SCHIP1: variants seen among roughly 807,000 people sequenced by gnomAD.
SCHIP1 encodes the protein schwannomin interacting protein 1, also known as schwannomin-interacting protein 1.
A neutral mutation model predicts 29.7 loss-of-function variants in SCHIP1; 8 were observed. The ratio of observed to expected loss-of-function variants is 0.27; its 90% CI spans 0.16 to 0.49. The LOEUF (loss-of-function observed/expected upper bound fraction) is 0.49. SCHIP1 is among the 20% of genes least tolerant of loss of function. SCHIP1 has a pLI of 0.99. For synonymous variants in SCHIP1, 76 were observed against 94.9 expected, an observed-to-expected ratio of 0.80 and a Z score of 1.16; for missense variants, 193 against 294.6, an observed-to-expected ratio of 0.66 and a Z score of 2.52.
chr3:159,589,893 A>C, the SCHIP1 span, among the ~76,000 whole-genome samples: 1 of 152,328 alleles, frequency 6.6e-6, no homozygotes, highest in African/African-American at 2.4e-5. Flanking sequence ...CAAGAGTCTG[A>C]GAAAGGAAGA....
At chr3:159,569,887 G>A in the SCHIP1 span, among the ~76,000 whole-genome samples, 1 of 152,192 alleles carries the variant, frequency 6.6e-6, no homozygotes, top group Non-Finnish European at 1.5e-5. Flanking sequence ...GTATCTCAGT[G>A]TGGTTTTGAT....
the SCHIP1 span, among the ~76,000 whole-genome samples, chr3:159,707,911 T>C: frequency 3.9e-5 from 6 of 152,212 alleles, no homozygotes; most frequent in Admixed American, 2.6e-4. Context: ...GTCCCTTTTC[T>C]CATCTGAAGC....
At chr3:159,392,567 G>T in the SCHIP1 span, among the ~76,000 whole-genome samples, 10 of 151,608 alleles carry the variant, frequency 6.6e-5, no homozygotes, top group East Asian at 1.7e-3. Context: ...TGTTTGTTTG[G>T]TTTTTTGTTC....
the SCHIP1 span, among the ~76,000 whole-genome samples, chr3:159,666,176 T>G: frequency 1.3e-5 from 2 of 152,184 alleles, no homozygotes; most frequent in Non-Finnish European, 2.9e-5. Context: ...TTAGAGCTCC[T>G]GCATATAGTT....
the SCHIP1 span, among the ~76,000 whole-genome samples, chr3:159,509,229 T>C: frequency 1.6e-4 from 25 of 152,350 alleles, no homozygotes; most frequent in Middle Eastern, 3.4e-3. Flanking sequence ...GTAATGGCCT[T>C]CTTTGTCTCT....
the SCHIP1 span, among the ~76,000 whole-genome samples, chr3:159,314,610 G>C: frequency 0.031 from 4,778 of 152,144 alleles, 234 homozygotes; most frequent in African/African-American, 0.11. Context: ...TAAAACTGTG[G>C]CTACCATTTT....
At chr3:159,423,875 G>C in the SCHIP1 span, among the ~76,000 whole-genome samples, 1 of 152,012 alleles carries the variant, frequency 6.6e-6, no homozygotes, top group African/African-American at 2.4e-5. Flanking sequence ...TCAGAGGAAC[G>C]ATCAGACAGC....
At chr3:159,625,509 G>T in the SCHIP1 span, among the ~76,000 whole-genome samples, 1 of 152,082 alleles carries the variant, frequency 6.6e-6, no homozygotes, top group South Asian at 2.1e-4. Context: ...ATATTAAAAT[G>T]ATTAAAATAC....
At chr3:159,655,753 G>C in the SCHIP1 span, among the ~76,000 whole-genome samples, 9 of 152,198 alleles carry the variant, frequency 5.9e-5, no homozygotes, top group Non-Finnish European at 1.0e-4. Context: ...GCTAGGCATA[G>C]TGGAAGGTGC....
At chr3:159,762,590 A>G in the SCHIP1 span, among the ~76,000 whole-genome samples, 6 of 152,360 alleles carry the variant, frequency 3.9e-5, no homozygotes, top group African/African-American at 1.4e-4. Flanking sequence ...GTTCTCTCCG[A>G]TTTGTTATAA....
At chr3:159,657,682 G>C in the SCHIP1 span, among the ~76,000 whole-genome samples, 1 of 152,238 alleles carries the variant, frequency 6.6e-6, no homozygotes, top group African/African-American at 2.4e-5. Flanking sequence ...GATTAAAAGA[G>C]ATGTTAGCCT....
At chr3:159,472,815 G>C in the SCHIP1 span, among the ~76,000 whole-genome samples, 3 of 152,156 alleles carry the variant, frequency 2.0e-5, no homozygotes, top group Non-Finnish European at 4.4e-5. Context: ...TGCTGTATGA[G>C]TGTATGTGGG....
intron 1 of SCHIP1, among the ~76,000 whole-genome samples, chr3:159,846,697 G>C (rs1711886559): frequency 6.6e-6 from 1 of 152,136 alleles, no homozygotes; most frequent in Non-Finnish European, 1.5e-5. Flanking sequence ...TTATTCTATA[G>C]ATTTTTTTGA....
chr3:159,742,834 ATTTTTTTTTTTT>A, the SCHIP1 span, among the ~76,000 whole-genome samples: 43 of 110,822 alleles, frequency 3.9e-4, no homozygotes, highest in Admixed American at 6.7e-4. Flanking sequence ...CGCCTAGCTA[ATTTTTTTTTTTT>A]TTTTTTTTTT....
At chr3:159,581,186 A>G in the SCHIP1 span, among the ~76,000 whole-genome samples, 1 of 152,204 alleles carries the variant, frequency 6.6e-6, no homozygotes, top group African/African-American at 2.4e-5. Flanking sequence ...AGTGCAACTA[A>G]AAATCCTAGG....
the SCHIP1 span, among the ~76,000 whole-genome samples, chr3:159,417,382 G>C: frequency 6.6e-6 from 1 of 152,116 alleles, no homozygotes; most frequent in Non-Finnish European, 1.5e-5. Context: ...CGATAGAAAA[G>C]TATTTCTTAA....
the SCHIP1 span, among the ~76,000 whole-genome samples, chr3:159,515,206 A>AAG: frequency 5.3e-5 from 8 of 152,082 alleles, no homozygotes; most frequent in African/African-American, 1.9e-4. Context: ...ATTAAAAAAA[A>AAG]AAAAAACTAA....
chr3:159,662,565 C>T, the SCHIP1 span, among the ~76,000 whole-genome samples: 1 of 152,186 alleles, frequency 6.6e-6, no homozygotes, highest in African/African-American at 2.4e-5. Context: ...AACTAAGCTA[C>T]TTTTGCTTAA....
chr3:159,322,895 G>A, the SCHIP1 span, among the ~76,000 whole-genome samples: 1 of 152,178 alleles, frequency 6.6e-6, no homozygotes, highest in Non-Finnish European at 1.5e-5. Flanking sequence ...ACTCTGTTCT[G>A]AAAGAGTAAT....
Sources: gnomAD v4.1 joint callset for allele counts (sites outside exome capture counted in the v4.1 genomes callset) on GRCh38, gnomAD v4.1.1 for gene constraint, MANE v1.5 for transcripts, NCBI Gene and HGNC (gene_info 2026-07-23, HGNC 2026-07-21) for gene names.